Variants in KCNQ3 observed in about 807,000 individuals in gnomAD.
KCNQ3 encodes potassium voltage-gated channel subfamily Q member 3.
A neutral mutation model predicts 92.5 loss-of-function variants in KCNQ3; 30 were observed. That is an observed-to-expected ratio of 0.32 (90% confidence interval 0.24 to 0.44). The LOEUF (loss-of-function observed/expected upper bound fraction) is 0.44. Among genes scored for constraint, KCNQ3 ranks in the 20% least tolerant of loss-of-function variants. KCNQ3 has a pLI of 1.00. For missense variants in KCNQ3, 913 were observed against 1,140.3 expected, an observed-to-expected ratio of 0.80 and a Z score of 2.87; for synonymous variants, 450 against 468.8, an observed-to-expected ratio of 0.96 and a Z score of 0.52.
intron 1 of KCNQ3, among the ~76,000 whole-genome samples, chr8:132,465,720 G>A (rs2130861962): frequency 6.6e-6 from 1 of 152,132 alleles, no homozygotes; most frequent in East Asian, 1.9e-4. Flanking sequence ...CTCCAGCCTG[G>A]GCAACAGAGC....
chr8:132,322,345 C>G (rs1817919542), intron 1 of KCNQ3, among the ~76,000 whole-genome samples: 1 of 152,126 alleles, frequency 6.6e-6, no homozygotes, highest in South Asian at 2.1e-4. Flanking sequence ...TGGAGGACAT[C>G]CCTGCTGGCT....
intron 1 of KCNQ3, among the ~76,000 whole-genome samples, chr8:132,280,761 G>C (rs1234026459): frequency 6.6e-6 from 1 of 152,170 alleles, no homozygotes; most frequent in Non-Finnish European, 1.5e-5. Flanking sequence ...GCAAAAATCA[G>C]AAGGTGGAAA....
At chr8:132,169,682 T>C (rs900493775) in intron 8 of KCNQ3, among the ~76,000 whole-genome samples, 1 of 152,080 alleles carries the variant, frequency 6.6e-6, no homozygotes, top group African/African-American at 2.4e-5. Context: ...CACACATTGA[T>C]CGGACCTTTC....
intron 1 of KCNQ3, among the ~76,000 whole-genome samples, chr8:132,359,284 G>T (rs1037394322): frequency 2.0e-5 from 3 of 152,186 alleles, no homozygotes; most frequent in Non-Finnish European, 4.4e-5. Context: ...CAGATCAGGG[G>T]TGTCTTGCTG....
chr8:132,452,806 G>A (rs1821851978), intron 1 of KCNQ3, among the ~76,000 whole-genome samples: 1 of 152,156 alleles, frequency 6.6e-6, no homozygotes, highest in African/African-American at 2.4e-5. Context: ...GTCTGTCTGG[G>A]TTATTCAGTC....
intron 1 of KCNQ3, among the ~76,000 whole-genome samples, chr8:132,479,284 T>G (rs565605919): frequency 7.2e-5 from 11 of 152,278 alleles, no homozygotes; most frequent in African/African-American, 2.4e-4. Flanking sequence ...AAGGAGATTC[T>G]TTCTAGGAGA....
At chr8:132,364,791 T>C (rs1267330581) in intron 1 of KCNQ3, among the ~76,000 whole-genome samples, 1 of 152,152 alleles carries the variant, frequency 6.6e-6, no homozygotes, top group Non-Finnish European at 1.5e-5. Flanking sequence ...TATGTACTTA[T>C]GCAAATACTA....
intron 1 of KCNQ3, among the ~76,000 whole-genome samples, chr8:132,365,907 G>GT (rs973133628): frequency 6.6e-6 from 1 of 152,102 alleles, no homozygotes; most frequent in Non-Finnish European, 1.5e-5. Context: ...GAGCATGCCT[G>GT]TAAGTCCCAG....
chr8:132,200,102 G>T (rs1024709205), intron 1 of KCNQ3, among the ~76,000 whole-genome samples: 1 of 152,002 alleles, frequency 6.6e-6, no homozygotes, highest in Non-Finnish European at 1.5e-5. Flanking sequence ...TCTGGAAATG[G>T]GGAAAGAAAA....
intron 1 of KCNQ3, among the ~76,000 whole-genome samples, chr8:132,356,845 G>C (rs1251078767): frequency 6.6e-6 from 1 of 152,118 alleles, no homozygotes; most frequent in South Asian, 2.1e-4. Context: ...CCATCAAAGA[G>C]ACAAAAAACA....
chr8:132,477,140 G>A (rs1252686940), intron 1 of KCNQ3, among the ~76,000 whole-genome samples: 1 of 152,050 alleles, frequency 6.6e-6, no homozygotes, highest in Admixed American at 6.6e-5. Context: ...ACCTCCGCCA[G>A]CCACGCAGAA....
intron 11 of KCNQ3, 80 bp downstream of exon 11, chr8:132,139,996 A>C: frequency 1.8e-5 from 18 of 1,013,394 alleles, no homozygotes; most frequent in Non-Finnish European, 2.6e-5. Context: ...GTGCAAGATA[A>C]TTTTATAAGC....
chr8:132,386,107 T>C (rs1035065238), intron 1 of KCNQ3, among the ~76,000 whole-genome samples: 1 of 152,168 alleles, frequency 6.6e-6, no homozygotes, highest in African/African-American at 2.4e-5. Flanking sequence ...TCAGGAGATC[T>C]TGATACACGT....
chr8:132,373,034 A>T (rs1033024815), intron 1 of KCNQ3, among the ~76,000 whole-genome samples: 3 of 152,190 alleles, frequency 2.0e-5, no homozygotes, highest in Non-Finnish European at 1.5e-5. Context: ...CCATGGCCTC[A>T]GTCCCTGGTT....
chr8:132,140,260 C>A, intron 10 of KCNQ3, 82 bp from the exon 11 acceptor site: 3 of 899,188 alleles, frequency 3.3e-6, no homozygotes, highest in East Asian at 2.6e-5. Context: ...CAAAGCCTTC[C>A]ACGCCTCTGG....
chr8:132,193,857 A>C lies in KCNQ3; in HGVS notation c.387-7676T>G, dbSNP rs137957269. 4.6e-3 allele frequency among the ~76,000 whole-genome samples: 696 copies of C among 152,278 alleles called. 7 individuals are homozygous for C. Among genetic ancestry groups the C allele is most frequent in the African/African-American group, 0.016 (660 of 41,566 alleles). Reference sequence around the variant, plus strand: ...TGAGAGCACTGGAGCCTTGGAAGAGAATCTGCAGAGAATGAGGTGTGGTCA... The same window carrying C: ...TGAGAGCACTGGAGCCTTGGAAGAGCATCTGCAGAGAATGAGGTGTGGTCA... On this transcript the variant is annotated intron_variant, in intron 1 of 14. Coordinates refer to ENST00000388996, the MANE Select transcript of KCNQ3 (RefSeq NM_004519.4).
chr8:132,258,907 A>T (rs1229408364), intron 1 of KCNQ3, among the ~76,000 whole-genome samples: 2 of 152,106 alleles, frequency 1.3e-5, no homozygotes, highest in African/African-American at 4.8e-5. Context: ...AACCTAGATG[A>T]AATGGACAAG....
Position 132,129,498 on chromosome 8 carries a change from C to A in KCNQ3, c.2383G>T (p.Val795Phe). The A allele has an allele frequency of 6.2e-7, 1 of 1,614,190 alleles. No individual in the cohort carries two copies. Among genetic ancestry groups the A allele is most frequent in the Non-Finnish European group, 8.5e-7 (1 of 1,180,038 alleles). Residue 795 changes from valine (V) to phenylalanine (F), a missense_variant, in exon 15 of 15, where the codon GTC becomes TTC. Val to Phe is a conservative substitution (Grantham distance 50). Around this residue, in one of 6 missense-constraint regions of KCNQ3, gnomAD observed 375 missense variants for 376.4 expected, o/e 1.00. Coordinates refer to ENST00000388996, the MANE Select transcript of KCNQ3 (RefSeq NM_004519.4). The surrounding 1 kb of genome is among the most constrained non-coding windows in gnomAD (Gnocchi z 5.9). ...DSDTPLSLMS[V>F]NHEELERSPS... ...GACCTCTCCAGCTCCTCGTGGTTGA[C>A]CGACATCAGGGACAGAGGTGTGTCA...
In KCNQ3 at chr8:132,377,301, C is replaced by A. The variant is rs1026653417; in HGVS notation, c.386+102846G>T. ...CCTTCATAGCTGGACTGGAGCTAAACCACTGGCTTCCCTGGGTCTCCAGCT... is the reference window on the plus strand; with the variant it reads ...CCTTCATAGCTGGACTGGAGCTAAAACACTGGCTTCCCTGGGTCTCCAGCT... On this transcript the variant is annotated intron_variant, in intron 1 of 14. Transcript: ENST00000388996. 2.6e-5 allele frequency among the ~76,000 whole-genome samples: 4 copies of A among 152,190 alleles called. No homozygotes were observed. In the East Asian group the frequency reaches 7.7e-4, roughly 29 times the overall value.
Sources: allele counts gnomAD v4.1 joint callset (sites outside exome capture counted in the v4.1 genomes callset), GRCh38; gene constraint gnomAD v4.1.1; regional missense constraint gnomAD v4.1.1; non-coding constraint Gnocchi (gnomAD v3.1); transcripts MANE v1.5; gene names NCBI Gene and HGNC (gene_info 2026-07-23, HGNC 2026-07-21).